SAMMSON: variants seen among roughly 807,000 people sequenced by gnomAD.
The protein encoded by SAMMSON is survival associated mitochondrial melanoma specific oncogenic non-coding RNA.
chr3:70,066,005 A>G (rs2067209470), intron 3 of SAMMSON, among the ~76,000 whole-genome samples: 1 of 152,152 alleles, frequency 6.6e-6, no homozygotes, highest in South Asian at 2.1e-4. Context: ...GCTGAGGCCT[A>G]TGTAACCAAA....
At chr3:70,384,544 A>G (rs990267772) in intron 9 of SAMMSON, among the ~76,000 whole-genome samples, 12 of 152,042 alleles carry the variant, frequency 7.9e-5, no homozygotes, top group African/African-American at 2.7e-4. Flanking sequence ...CTGTGGACAT[A>G]AGGGGCAAAG....
chr3:70,350,835 T>C (rs1172182579), intron 7 of SAMMSON, among the ~76,000 whole-genome samples: 1 of 152,172 alleles, frequency 6.6e-6, no homozygotes, highest in African/African-American at 2.4e-5. Context: ...GGGAAGTCAG[T>C]AACAACATTT....
chr3:70,015,818 CT>C (rs1271332130), intron 3 of SAMMSON, among the ~76,000 whole-genome samples: 1 of 152,010 alleles, frequency 6.6e-6, no homozygotes, highest in African/African-American at 2.4e-5. Context: ...GTGGTGTTTG[CT>C]TTTTTGTTCT....
chr3:70,308,210 C>T (rs1482918483), intron 7 of SAMMSON, among the ~76,000 whole-genome samples: 1 of 151,206 alleles, frequency 6.6e-6, no homozygotes, highest in African/African-American at 2.4e-5. Context: ...GCCATTACAC[C>T]CAGCTAATTT....
intron 3 of SAMMSON, among the ~76,000 whole-genome samples, chr3:70,055,875 T>C (rs2067165065): frequency 6.6e-6 from 1 of 152,080 alleles, no homozygotes; most frequent in Non-Finnish European, 1.5e-5. Context: ...GCCATCTTAG[T>C]GCCTAGCCAA....
chr3:70,272,979 G>T (rs532089930), intron 6 of SAMMSON, among the ~76,000 whole-genome samples: 2 of 152,116 alleles, frequency 1.3e-5, no homozygotes, highest in Admixed American at 6.6e-5. Flanking sequence ...GCATCTTTTC[G>T]GCTTCAGTCC....
At chr3:70,174,704 A>C (rs1700996359) in intron 4 of SAMMSON, among the ~76,000 whole-genome samples, 1 of 152,030 alleles carries the variant, frequency 6.6e-6, no homozygotes, top group African/African-American at 2.4e-5. Flanking sequence ...ATTCTAGAAA[A>C]GGTTGACTTT....
intron 4 of SAMMSON, among the ~76,000 whole-genome samples, chr3:70,238,075 T>C (rs2106639452): frequency 6.7e-6 from 1 of 149,216 alleles, no homozygotes; most frequent in South Asian, 2.2e-4. Flanking sequence ...CTTTATACCT[T>C]GAGTGGAAAT....
chr3:70,290,968 C>T (rs1252568362), intron 6 of SAMMSON, among the ~76,000 whole-genome samples: 1 of 152,250 alleles, frequency 6.6e-6, no homozygotes, highest in South Asian at 2.1e-4. Flanking sequence ...CTGGCACTCC[C>T]TAGTGAGATG....
chr3:70,097,386 T>C (rs762453445), intron 4 of SAMMSON, among the ~76,000 whole-genome samples: 2 of 152,234 alleles, frequency 1.3e-5, no homozygotes, highest in Non-Finnish European at 2.9e-5. Context: ...AGGCACAAAA[T>C]TGTGGATGAA....
intron 2 of SAMMSON, among the ~76,000 whole-genome samples, chr3:70,424,159 G>GA (rs1424188652): frequency 2.0e-5 from 3 of 152,078 alleles, no homozygotes; most frequent in Admixed American, 6.6e-5. Context: ...TTTTTAAACT[G>GA]AAAATCTCCT....
At chr3:70,032,615 A>G (rs1290270731) in intron 3 of SAMMSON, among the ~76,000 whole-genome samples, 4 of 152,196 alleles carry the variant, frequency 2.6e-5, no homozygotes, top group Non-Finnish European at 5.9e-5. Context: ...ATATCCTTTT[A>G]TCTGTGTTCA....
At chr3:70,084,537 T>C (rs1486068725) in intron 4 of SAMMSON, among the ~76,000 whole-genome samples, 2 of 152,050 alleles carry the variant, frequency 1.3e-5, no homozygotes, top group African/African-American at 4.8e-5. Context: ...AGAAGTGGAG[T>C]AATGGGAAAG....
intron 2 of SAMMSON, among the ~76,000 whole-genome samples, chr3:70,417,886 G>A (rs970553497): frequency 9.2e-5 from 14 of 152,108 alleles, no homozygotes. Context: ...AGTCCTGAAA[G>A]GCATGTGGTG....
intron 4 of SAMMSON, among the ~76,000 whole-genome samples, chr3:70,161,929 A>G (rs2067617222): frequency 6.6e-6 from 1 of 151,644 alleles, no homozygotes; most frequent in African/African-American, 2.4e-5. Context: ...TTGTTGACAT[A>G]ATGTTGTTCT....
intron 9 of SAMMSON, among the ~76,000 whole-genome samples, chr3:70,380,343 A>G (rs186083360): frequency 1.6e-3 from 250 of 152,246 alleles, no homozygotes; most frequent in Non-Finnish European, 2.7e-3. Context: ...CGAGTACAAA[A>G]TCAAAGAATC....
intron 3 of SAMMSON, among the ~76,000 whole-genome samples, chr3:70,023,288 C>G (rs1196425417): frequency 6.6e-6 from 1 of 151,404 alleles, no homozygotes. Context: ...AACCCCGTCT[C>G]TAGTAAAAAT....
At chr3:70,325,643 C>T (rs1377124406) in intron 7 of SAMMSON, among the ~76,000 whole-genome samples, 1 of 152,100 alleles carries the variant, frequency 6.6e-6, no homozygotes, top group African/African-American at 2.4e-5. Flanking sequence ...CTCTATCTGT[C>T]CCTCCACCTA....
intron 6 of SAMMSON, among the ~76,000 whole-genome samples, chr3:70,286,686 C>A (rs1245671107): frequency 2.0e-5 from 3 of 152,092 alleles, no homozygotes; most frequent in Non-Finnish European, 4.4e-5. Context: ...TCTTCCTACC[C>A]ATGAGCATGG....
Sources: allele counts gnomAD v4.1 joint callset (sites outside exome capture counted in the v4.1 genomes callset), GRCh38; gene constraint gnomAD v4.1.1; transcripts MANE v1.5; gene names NCBI Gene and HGNC (gene_info 2026-07-23, HGNC 2026-07-21).